Variants in CACNA1C observed in about 807,000 individuals in gnomAD.
CACNA1C encodes calcium voltage-gated channel subunit alpha1 C, also known as voltage-dependent L-type calcium channel subunit alpha-1C.
A neutral mutation model predicts 229.0 loss-of-function variants in CACNA1C; 30 were observed. The ratio of observed to expected loss-of-function variants is 0.13; its 90% confidence interval spans 0.10 to 0.18. The LOEUF (loss-of-function observed/expected upper bound fraction) is 0.18. CACNA1C is among the 10% of genes least tolerant of loss of function. The pLI is 1.00. For synonymous variants in CACNA1C, 1,114 were observed against 1,132.5 expected, an observed-to-expected ratio of 0.98 and a Z score of 0.33; for missense variants, 1,658 against 2,845.0, an observed-to-expected ratio of 0.58 and a Z score of 9.49.
At chr12:2,623,675 C>T (rs2084637764) in intron 29 of CACNA1C, among the ~76,000 whole-genome samples, 1 of 152,180 alleles carries the variant, frequency 6.6e-6, no homozygotes, top group Admixed American at 6.5e-5. Context: ...GACCTCCTTC[C>T]AAATGCTAGC....
chr12:2,136,856 G>T (rs1290363338), intron 3 of CACNA1C, among the ~76,000 whole-genome samples: 2 of 151,456 alleles, frequency 1.3e-5, no homozygotes, highest in African/African-American at 4.8e-5. Flanking sequence ...AAATAGATGA[G>T]AATCTCTGGT....
chr12:2,429,528 C>T (rs2099063269), intron 3 of CACNA1C, among the ~76,000 whole-genome samples: 2 of 152,320 alleles, frequency 1.3e-5, no homozygotes, highest in Non-Finnish European at 1.5e-5. Flanking sequence ...GTAAACCTTG[C>T]TTTCCTTGTC....
rs183962917 is a variant in CACNA1C at position 1,984,751 on chromosome 12, G to A, written c.139+13550G>A. Among the ~76,000 whole-genome samples, 508 of 112,372 alleles carry A rather than the reference G, an allele frequency of 4.5e-3. 4 individuals are homozygous for A. Among genetic ancestry groups the A allele is most frequent in the Middle Eastern group, 8.3e-3 (1 of 120 alleles). The allele number at this position is 112,372 out of a possible 152,430, so 73.7% of individuals were successfully genotyped here. A position where few individuals can be genotyped will look rare whatever the true frequency, so the allele number is the denominator to read the frequency against. The stretch of plus-strand genomic sequence containing the variant: ...CTTCCAGCCTGAAGAATTTCTTTTA[G>A]CATTTATTCTACAGTGGGTCTTCTG... On this transcript the variant is annotated intron_variant, in intron 1 of 46. Transcript: ENST00000682462.
chr12:2,687,603 G>A (rs531648312), intron 45 of CACNA1C, among the ~76,000 whole-genome samples: 78 of 150,758 alleles, frequency 5.2e-4, no homozygotes, highest in African/African-American at 1.8e-3. Flanking sequence ...GCAATGGCAC[G>A]ATCTCGGCTC....
intron 3 of CACNA1C, among the ~76,000 whole-genome samples, chr12:2,249,145 A>C (rs983332801): frequency 6.6e-6 from 1 of 152,142 alleles, no homozygotes; most frequent in African/African-American, 2.4e-5. Context: ...CTGCCACTTA[A>C]CAGCTCTCTG....
intron 5 of CACNA1C, among the ~76,000 whole-genome samples, chr12:2,463,673 G>A (rs796572508): frequency 2.4e-4 from 37 of 152,312 alleles, no homozygotes; most frequent in African/African-American, 8.7e-4. Context: ...CACAAAGGAA[G>A]GAGAGTGGCC....
rs1194419848 is a variant in CACNA1C, at chr12:2,665,996, C to T, written c.4526+288C>T. ...CTCGAGGCCAGGAGTTCAAGACCAGCCTGGCCAACACAGTGAACCCCATCT... is the reference window on the plus strand; with the variant it reads ...CTCGAGGCCAGGAGTTCAAGACCAGTCTGGCCAACACAGTGAACCCCATCT... On this transcript the variant is annotated intron_variant, in intron 36 of 46. Coordinates refer to ENST00000399655, the MANE Select transcript of CACNA1C (RefSeq NM_000719.7). This position sits in a 1 kb window ranked among gnomAD's most constrained non-coding sequence, Gnocchi z 5.9. 6.6e-6 allele frequency among the ~76,000 whole-genome samples: 1 copy of T among 152,184 alleles called. No homozygotes were observed. The highest frequency in any genetic ancestry group is 1.5e-5 in the Non-Finnish European group (1 of 68,040).
chr12:2,079,873 TC>T (rs2064801811), intron 1 of CACNA1C, among the ~76,000 whole-genome samples: 1 of 152,146 alleles, frequency 6.6e-6, no homozygotes, highest in Admixed American at 6.5e-5. Flanking sequence ...AATGTACACC[TC>T]ACAACAGAGT....
At position 2,677,262 on chromosome 12, in the gene CACNA1C, GGTCATTGCCTCTGACCTCCA is replaced by G. The variant is rs775659629; in HGVS notation, c.4956+46_4956+65del. ...CGGGCCCACACTCCAGGAAGGTCCT[GGTCATTGCCTCTGACCTCCA>G]GTCAGGGTCCCGGTCCCTCCCCAGC... On this transcript the variant is annotated intron_variant, in intron 40 of 46. Coordinates refer to ENST00000399655, the MANE Select transcript of CACNA1C (RefSeq NM_000719.7). This position sits in a 1 kb window ranked among gnomAD's most constrained non-coding sequence, Gnocchi z 7.4. 7.5e-6 allele frequency: 12 copies of G among 1,603,234 alleles called. No individual in the cohort carries two copies. The South Asian group carries it at 1.3e-4, about 18-fold the overall frequency.
intron 1 of CACNA1C, among the ~76,000 whole-genome samples, chr12:1,981,840 T>A (rs988554663): frequency 6.6e-6 from 1 of 152,118 alleles, no homozygotes; most frequent in Non-Finnish European, 1.5e-5. Context: ...CTGGTAGAGA[T>A]TGGTCAGAAT....
At position 2,666,808 on chromosome 12, in the gene CACNA1C, G is replaced by A; in HGVS notation, c.4623+26G>A. 3.5e-6 allele frequency: 5 copies of A among 1,423,452 alleles called. No homozygotes were observed. The highest frequency in any genetic ancestry group is 1.2e-5 in the South Asian group (1 of 82,568). 88.2% of individuals were successfully genotyped at this position (1,423,452 alleles called of 1,614,324 possible). A position where few individuals can be genotyped will look rare whatever the true frequency, so the allele number is the denominator to read the frequency against. ...GTAAGAGATAACGGGGTTCATGGGA[G>A]GGAGAGGGAAAATAGGGGAAGTGAA... On this transcript the variant is annotated intron_variant, in intron 37 of 46. Coordinates refer to ENST00000399655, the MANE Select transcript of CACNA1C (RefSeq NM_000719.7). This position sits in a 1 kb window ranked among gnomAD's most constrained non-coding sequence, Gnocchi z 5.3.
chr12:2,447,412 C>T (rs2099309402), intron 3 of CACNA1C, among the ~76,000 whole-genome samples: 1 of 152,202 alleles, frequency 6.6e-6, no homozygotes, highest in African/African-American at 2.4e-5. Flanking sequence ...TGATCTGGGC[C>T]TTCATCCACA....
rs1313709026 is a variant in CACNA1C at position 2,294,218 on chromosome 12, G to A, written c.478-154758G>A. ...GCCTGGCCTTAAAGGGGAGAGTTTC[G>A]GGGAGGATGTATTTGAGCTTCATCT... On this transcript the variant is annotated intron_variant, in intron 3 of 46. Transcript: ENST00000399655. Among the ~76,000 whole-genome samples, 5 of 152,156 alleles carry A rather than the reference G, an allele frequency of 3.3e-5. No homozygotes were observed. The South Asian group carries it at 8.3e-4, about 25-fold the overall frequency.
chr12:2,036,409 C>G (rs1264111936), intron 1 of CACNA1C, among the ~76,000 whole-genome samples: 1 of 152,136 alleles, frequency 6.6e-6, no homozygotes, highest in African/African-American at 2.4e-5. Flanking sequence ...CTCTGGAGAG[C>G]TCAGAAATGA....
chr12:2,679,459 T>C lies in CACNA1C; in HGVS notation c.5107T>C (p.Phe1703Leu). ...DDIFRRAGGL[F>L]GNHVSYYQSD... Reference sequence around the variant, plus strand: ...TTGCCTACAGAGGGCCGGTGGCCTGTTCGGCAACCACGTCAGCTACTACCA... The same window carrying C: ...TTGCCTACAGAGGGCCGGTGGCCTGCTCGGCAACCACGTCAGCTACTACCA... Residue 1703 changes from phenylalanine (F) to leucine (L), a missense_variant, in exon 42 of 47, where the codon TTC becomes CTC. By Grantham distance (22) the Phe-to-Leu change is conservative. Coordinates refer to ENST00000399655, the MANE Select transcript of CACNA1C (RefSeq NM_000719.7). This position sits in a 1 kb window ranked among gnomAD's most constrained non-coding sequence, Gnocchi z 5.5. 1 of 1,575,438 alleles carries C rather than the reference T, an allele frequency of 6.3e-7. No homozygotes were observed.
chr12:2,594,688 C>T (rs1428113409), intron 19 of CACNA1C, among the ~76,000 whole-genome samples: 1 of 152,212 alleles, frequency 6.6e-6, no homozygotes, highest in South Asian at 2.1e-4. Context: ...ATCTAAATCA[C>T]TTATCCAGTG....
At chr12:2,565,717 G>A (rs893190058) in intron 11 of CACNA1C, among the ~76,000 whole-genome samples, 9 of 152,152 alleles carry the variant, frequency 5.9e-5, no homozygotes, top group African/African-American at 2.2e-4. Flanking sequence ...TGTGTGTGTG[G>A]GCATGTGCCC....
intron 1 of CACNA1C, among the ~76,000 whole-genome samples, chr12:1,982,177 T>C (rs767289865): frequency 6.6e-6 from 1 of 152,198 alleles, no homozygotes; most frequent in Non-Finnish European, 1.5e-5. Flanking sequence ...TTTTTATGAA[T>C]TGCTGGATTC....
At position 2,633,630 on chromosome 12, in the gene CACNA1C, G is replaced by A. The variant is rs779104155; in HGVS notation, c.3829-667G>A. 6.3e-7 allele frequency: 1 copy of A among 1,589,574 alleles called. No individual in the cohort carries two copies. Reference sequence around the variant, plus strand: ...TCCTGCCTGCCCTCCCTTATGTAGGGTTACTTTAGTGATCCCTGGAATGTT... The same window carrying A: ...TCCTGCCTGCCCTCCCTTATGTAGGATTACTTTAGTGATCCCTGGAATGTT... On this transcript the variant is annotated intron_variant, in intron 29 of 46. Coordinates refer to ENST00000399655, the MANE Select transcript of CACNA1C (RefSeq NM_000719.7). The surrounding 1 kb of genome is among the most constrained non-coding windows in gnomAD (Gnocchi z 5.8).
Sources: gnomAD v4.1 joint callset for allele counts (sites outside exome capture counted in the v4.1 genomes callset) on GRCh38, gnomAD v4.1.1 for gene constraint, Gnocchi (gnomAD v3.1) non-coding constraint, MANE v1.5 for transcripts, NCBI Gene and HGNC (gene_info 2026-07-23, HGNC 2026-07-21) for gene names.